TBC1D5: variants seen among roughly 807,000 people sequenced by gnomAD.
TBC1D5 encodes TBC1 domain family, member 5.
Under a neutral mutation model 100.3 loss-of-function variants are expected in TBC1D5, and 75 were observed. The ratio of observed to expected loss-of-function variants is 0.75; its 90% CI spans 0.62 to 0.91. The LOEUF (loss-of-function observed/expected upper bound fraction) is 0.91, where lower values mean the gene tolerates loss of function less well. Among genes scored for constraint, TBC1D5 ranks in the 40% least tolerant of loss-of-function variants. The pLI is 0.00. For missense variants in TBC1D5, 910 were observed against 942.4 expected (o/e 0.97, Z 0.45); for synonymous variants, 323 against 325.6 (o/e 0.99, Z 0.09).
chr3:17,395,640 C>A (rs1002164913), intron 8 of TBC1D5, among the ~76,000 whole-genome samples: 10 of 152,034 alleles, frequency 6.6e-5, no homozygotes, highest in African/African-American at 2.4e-4. Context: ...TCATTTAAAA[C>A]AAAGAAAATC....
chr3:17,475,178 C>T (rs952778701), intron 3 of TBC1D5, among the ~76,000 whole-genome samples: 1 of 151,326 alleles, frequency 6.6e-6, no homozygotes, highest in Non-Finnish European at 1.5e-5. Flanking sequence ...TACCTTGCCC[C>T]GCCCCACCCG....
At chr3:17,551,096 G>C (rs2096468772) in intron 2 of TBC1D5, among the ~76,000 whole-genome samples, 1 of 152,024 alleles carries the variant, frequency 6.6e-6, no homozygotes, top group South Asian at 2.1e-4. Context: ...GCATAAACAT[G>C]CACTCTCTCT....
chr3:17,632,450 G>C (rs561879156), intron 1 of TBC1D5, among the ~76,000 whole-genome samples: 26 of 152,336 alleles, frequency 1.7e-4, no homozygotes, highest in African/African-American at 3.8e-4. Flanking sequence ...AGTTGATAAA[G>C]CAGTAGCAGA....
chr3:17,313,357 T>C (rs765173737), intron 13 of TBC1D5, among the ~76,000 whole-genome samples: 1 of 152,168 alleles, frequency 6.6e-6, no homozygotes, highest in Admixed American at 6.5e-5. Flanking sequence ...GGAAAACGAA[T>C]TTTAGGCTCC....
intron 15 of TBC1D5, among the ~76,000 whole-genome samples, chr3:17,287,152 T>C (rs944534665): frequency 2.6e-5 from 4 of 152,236 alleles, no homozygotes; most frequent in African/African-American, 9.6e-5. Flanking sequence ...GCTGTGGCTT[T>C]TGTGGAATGT....
At chr3:17,329,735 G>T (rs751645060) in intron 13 of TBC1D5, among the ~76,000 whole-genome samples, 46 of 152,066 alleles carry the variant, frequency 3.0e-4, no homozygotes, top group Admixed American at 6.6e-4. Flanking sequence ...CATTTCCTTG[G>T]TCTCACAGTC....
chr3:17,345,196 C>G (rs985700942), intron 13 of TBC1D5, among the ~76,000 whole-genome samples: 7 of 152,180 alleles, frequency 4.6e-5, no homozygotes, highest in African/African-American at 1.4e-4. Flanking sequence ...TATCCAGAAT[C>G]TACAATGAAC....
intron 13 of TBC1D5, among the ~76,000 whole-genome samples, chr3:17,352,028 A>AC (rs2090655323): frequency 6.6e-6 from 1 of 151,612 alleles, no homozygotes; most frequent in South Asian, 2.1e-4. Flanking sequence ...ACACACACAC[A>AC]AAAAACCCTA....
intron 1 of TBC1D5, among the ~76,000 whole-genome samples, chr3:17,704,213 T>G (rs2073642325): frequency 7.5e-6 from 1 of 133,764 alleles, no homozygotes; most frequent in East Asian, 2.3e-4. Context: ...ACACAGCACA[T>G]GTTTCAGAGA....
intron 4 of TBC1D5, among the ~76,000 whole-genome samples, chr3:17,413,701 G>C (rs536685028): frequency 2.6e-5 from 4 of 152,146 alleles, no homozygotes; most frequent in African/African-American, 9.6e-5. Context: ...GAAGGCTTCT[G>C]AATCATTGTC....
At chr3:17,327,821 G>T (rs2592099) in intron 13 of TBC1D5, among the ~76,000 whole-genome samples, 63,411 of 151,720 alleles carry the variant, frequency 0.42, 13,933 homozygotes, top group Middle Eastern at 0.5. Context: ...GCTGTATGTG[G>T]TTTTTTTTCC....
At chr3:17,701,722 G>A (rs1433950619) in intron 1 of TBC1D5, among the ~76,000 whole-genome samples, 1 of 152,084 alleles carries the variant, frequency 6.6e-6, no homozygotes, top group African/African-American at 2.4e-5. Context: ...GTCACAGATG[G>A]AAGGTCTGAG....
At chr3:17,248,106 C>T (rs1361213094) in intron 16 of TBC1D5, among the ~76,000 whole-genome samples, 1 of 152,012 alleles carries the variant, frequency 6.6e-6, no homozygotes, top group African/African-American at 2.4e-5. Context: ...ATTCTCCTGC[C>T]TCAGCCTTGC....
intron 1 of TBC1D5, among the ~76,000 whole-genome samples, chr3:17,665,305 G>A (rs1168426576): frequency 6.6e-6 from 1 of 152,172 alleles, no homozygotes; most frequent in Non-Finnish European, 1.5e-5. Context: ...CTTTGTAGTA[G>A]AACTGAAGTG....
intron 2 of TBC1D5, among the ~76,000 whole-genome samples, chr3:17,560,150 T>C (rs2096549288): frequency 6.6e-6 from 1 of 152,134 alleles, no homozygotes. Context: ...TGACTGTACC[T>C]GCCAACTTAG....
At chr3:17,429,397 T>C (rs184010255) in intron 3 of TBC1D5, among the ~76,000 whole-genome samples, 2 of 152,068 alleles carry the variant, frequency 1.3e-5, no homozygotes, top group African/African-American at 4.8e-5. Flanking sequence ...AAAAATGTCA[T>C]TTGTTCTTCA....
intron 19 of TBC1D5, among the ~76,000 whole-genome samples, chr3:17,181,744 T>C (rs2068475980): frequency 6.6e-6 from 1 of 152,210 alleles, no homozygotes; most frequent in Admixed American, 6.5e-5. Flanking sequence ...CATAGAAGAT[T>C]AGGTCCCTTG....
chr3:17,521,619 GTA>G (rs2096064313), intron 2 of TBC1D5, among the ~76,000 whole-genome samples: 1 of 152,190 alleles, frequency 6.6e-6, no homozygotes, highest in Admixed American at 6.5e-5. Context: ...AGGATCAGCT[GTA>G]TTATCTTTAC....
intron 18 of TBC1D5, among the ~76,000 whole-genome samples, chr3:17,205,496 T>C (rs2072044453): frequency 6.6e-6 from 1 of 152,204 alleles, no homozygotes; most frequent in South Asian, 2.1e-4. Context: ...ATATGACTGA[T>C]GACAGCAGAA....
Sources: gnomAD v4.1 joint callset for allele counts (sites outside exome capture counted in the v4.1 genomes callset) on GRCh38, gnomAD v4.1.1 for gene constraint, MANE v1.5 for transcripts, NCBI Gene and HGNC (gene_info 2026-07-23, HGNC 2026-07-21) for gene names.